The following USP35 variants were observed in gnomAD, a reference collection of about 807,000 sequenced individuals.
The protein encoded by USP35 is ubiquitin carboxyl-terminal hydrolase 35.
A neutral mutation model predicts 83.8 loss-of-function variants in USP35; 69 were observed. That is an observed-to-expected ratio of 0.82 (90% CI 0.68 to 1.01). USP35 has a LOEUF of 1.01. Ranked by LOEUF, USP35 falls within the 50% of genes least tolerant of loss-of-function variation. The probability of loss-of-function intolerance (pLI) is 0.00; values close to 1 mark genes in which losing one functional copy is unlikely to be tolerated. For missense variants in USP35, 1,503 were observed against 1,362.5 expected, an observed-to-expected ratio of 1.10 and a Z score of -1.62; for synonymous variants, 714 against 589.5, an observed-to-expected ratio of 1.21 and a Z score of -3.06.
chr11:78,201,454 G>A (rs1201061733), intron 6 of USP35, among the ~76,000 whole-genome samples: 5 of 152,220 alleles, frequency 3.3e-5, no homozygotes, highest in Non-Finnish European at 2.9e-5. Flanking sequence ...TGACAGACTT[G>A]GATACGAGAA....
rs1168886593 is a variant in USP35 at position 78,213,959 on chromosome 11, C to G, written c.*146C>G. On this transcript the variant is annotated 3_prime_UTR_variant, in exon 11 of 11. Transcript: ENST00000529308. ...GCCTGATGAAGGGTACACAGAGATT[C>G]TCTCAGATATGGAAGTAAGACCTAA... is the stretch of plus-strand genomic sequence containing the variant. 3.4e-6 allele frequency: 3 copies of G among 877,818 alleles called. No homozygotes were observed. Among genetic ancestry groups the G allele is most frequent in the Admixed American group, 8.3e-5 (2 of 24,206 alleles). The allele number at this position is 877,818 out of a possible 1,614,324, so 54.4% of individuals were successfully genotyped here.
At chr11:78,235,494 G>A in the USP35 span, among the ~76,000 whole-genome samples, 31 of 152,214 alleles carry the variant, frequency 2.0e-4, no homozygotes, top group Admixed American at 1.5e-3. Context: ...CAAATTTTCC[G>A]AACATTTATG....
chr11:78,213,844 CTCCAGGAGCCAGGTAGGGCCT>C lies in USP35; in HGVS notation c.*32_*52del. ...ACCTGCTGCCAACCTGACCCCTTCC[CTCCAGGAGCCAGGTAGGGCCT>C]GAGGGAAGCTGTGGAGGCAGGCCCT... On this transcript the variant is annotated 3_prime_UTR_variant, in exon 11 of 11. Transcript: ENST00000529308. 1 of 1,532,812 alleles carries C rather than the reference CTCCAGGAGCCAGGTAGGGCCT, an allele frequency of 6.5e-7. No homozygotes were observed. The highest frequency in any genetic ancestry group is 8.7e-7 in the Non-Finnish European group (1 of 1,151,092). 95.0% of individuals were successfully genotyped at this position (1,532,812 alleles called of 1,614,324 possible). A position where few individuals can be genotyped will look rare whatever the true frequency, so the allele number is the denominator to read the frequency against.
intron 2 of USP35, 54 bp from the exon 3 acceptor site, chr11:78,197,882 G>A: frequency 2.5e-6 from 4 of 1,589,280 alleles, no homozygotes; most frequent in Non-Finnish European, 3.4e-6. Context: ...TGGTGTGCTG[G>A]GGGAAGGGAG....
intron 10 of USP35, among the ~76,000 whole-genome samples, chr11:78,210,972 A>G (rs1863749747): frequency 6.6e-6 from 1 of 152,212 alleles, no homozygotes; most frequent in Non-Finnish European, 1.5e-5. Flanking sequence ...TCCAGGGTAC[A>G]TGTGTAGAAT....
At chr11:78,198,218 G>C in intron 3 of USP35, 150 bp downstream of exon 3, 1 of 1,303,128 alleles carries the variant, frequency 7.7e-7, no homozygotes, top group African/African-American at 1.5e-5. Flanking sequence ...CCTTTCTTGA[G>C]CCCTGCTCTG....
chr11:78,226,392 G>A, the USP35 span: 2 of 1,204,954 alleles, frequency 1.7e-6, no homozygotes, highest in South Asian at 1.2e-5. Context: ...GGATGACCAA[G>A]GACCATCAAA....
chr11:78,236,377 T>C, the USP35 span, among the ~76,000 whole-genome samples: 1 of 152,210 alleles, frequency 6.6e-6, no homozygotes, highest in African/African-American at 2.4e-5. Context: ...TCTCGAACTC[T>C]TGAGCTCCAG....
At chr11:78,237,095 T>G in the USP35 span, among the ~76,000 whole-genome samples, 1 of 152,224 alleles carries the variant, frequency 6.6e-6, no homozygotes, top group Non-Finnish European at 1.5e-5. Flanking sequence ...TCCTATGTTT[T>G]CTGAAAGACT....
At chr11:78,226,692 G>A in the USP35 span, 1 of 1,614,014 alleles carries the variant, frequency 6.2e-7, no homozygotes, top group Non-Finnish European at 8.5e-7. Context: ...GAATGTCCTA[G>A]GGATCTGGTA....
chr11:78,220,345 G>T, the USP35 span: 1 of 1,612,850 alleles, frequency 6.2e-7, no homozygotes, highest in Non-Finnish European at 8.5e-7. Context: ...GGGGAGCTCG[G>T]CTGGAAGTCC....
chr11:78,220,611 G>A, the USP35 span, among the ~76,000 whole-genome samples: 1 of 152,192 alleles, frequency 6.6e-6, no homozygotes, highest in Non-Finnish European at 1.5e-5. Flanking sequence ...TGACAATCCT[G>A]TAAGGTAGGT....
chr11:78,219,355 TCTC>T, downstream of USP35: 1 of 1,613,846 alleles, frequency 6.2e-7, no homozygotes, highest in Non-Finnish European at 8.5e-7. Context: ...GCCTGGGTCT[TCTC>T]CTTGTCCACC....
chr11:78,197,028 G>C, intron 2 of USP35, 110 bp downstream of exon 2: 2 of 1,369,062 alleles, frequency 1.5e-6, no homozygotes, highest in Non-Finnish European at 1.9e-6. Flanking sequence ...TGTGGCACGA[G>C]TGTGCCAGGC....
At chr11:78,200,508 G>A (rs1863315269) in intron 5 of USP35, 142 bp from the exon 6 acceptor site, 1 of 1,245,012 alleles carries the variant, frequency 8.0e-7, no homozygotes, top group African/African-American at 1.5e-5. Context: ...AGAGCTCAGA[G>A]CCCCATCTGG....
At chr11:78,213,445 A>AGTTTTTATTGAGAGGAGGGGGTCTTTT (rs1344080591) in intron 10 of USP35, among the ~76,000 whole-genome samples, 1 of 151,310 alleles carries the variant, frequency 6.6e-6, no homozygotes, top group Non-Finnish European at 1.5e-5. Flanking sequence ...CAGGGACTAG[A>AGTTTTTATTGAGAGGAGGGGGTCTTTT]GTTTTTATTG....
rs1863134288 is a variant in USP35, at chr11:78,196,077, T to G, written c.-10-159T>G. Among the ~76,000 whole-genome samples, 1 of 152,174 alleles carries G rather than the reference T, an allele frequency of 6.6e-6. No individual in the cohort carries two copies. Among genetic ancestry groups the G allele is most frequent in the African/African-American group, 2.4e-5 (1 of 41,448 alleles). Reference sequence around the variant, plus strand: ...TTGTGCTTTATTTCATCAGGATAGCTCTCAGTGAAATGACGCCCTTGCCCC... The same window carrying G: ...TTGTGCTTTATTTCATCAGGATAGCGCTCAGTGAAATGACGCCCTTGCCCC... On this transcript the variant is annotated intron_variant, in intron 1 of 10. Transcript: ENST00000529308. The surrounding 1 kb of genome is among the most constrained non-coding windows in gnomAD (Gnocchi z 4.8).
chr11:78,212,204 A>G (rs1158954871), intron 10 of USP35, among the ~76,000 whole-genome samples: 1 of 152,126 alleles, frequency 6.6e-6, no homozygotes, highest in East Asian at 1.9e-4. Context: ...GGAATCTTTT[A>G]CCCATTGCTT....
chr11:78,221,399 G>C, the USP35 span, among the ~76,000 whole-genome samples: 6 of 152,200 alleles, frequency 3.9e-5, no homozygotes, highest in African/African-American at 1.4e-4. Flanking sequence ...CAAGGGCACA[G>C]ATCATGCCAC....
Sources: allele counts gnomAD v4.1 joint callset (sites outside exome capture counted in the v4.1 genomes callset), GRCh38; gene constraint gnomAD v4.1.1; non-coding constraint Gnocchi (gnomAD v3.1); transcripts MANE v1.5; gene names NCBI Gene and HGNC (gene_info 2026-07-23, HGNC 2026-07-21).